The following MAGI2 variants were observed in gnomAD, a reference collection of about 807,000 sequenced individuals.
MAGI2 encodes membrane associated guanylate kinase, WW and PDZ domain containing 2.
Under a neutral mutation model 133.3 loss-of-function variants are expected in MAGI2, and 35 were observed. That is an observed-to-expected ratio of 0.26 (90% CI 0.20 to 0.35). The LOEUF (loss-of-function observed/expected upper bound fraction) is 0.35, where lower values mean the gene tolerates loss of function less well. Among genes scored for constraint, MAGI2 ranks in the 10% least tolerant of loss-of-function variants. The pLI is 1.00. For synonymous variants in MAGI2, 729 were observed against 710.6 expected (o/e 1.03, Z -0.41); for missense variants, 1,636 against 1,863.4 (o/e 0.88, Z 2.25).
At chr7:78,254,855 C>T (rs1321632779) in intron 10 of MAGI2, 2 of 152,196 alleles carry the variant, frequency 1.3e-5, no homozygotes, top group African/African-American at 4.8e-5. Context: ...TTCCTTCTGA[C>T]CCACCCATGC....
chr7:78,026,958 T>G (rs1808982101), intron 21 of MAGI2, among the ~76,000 whole-genome samples: 1 of 152,190 alleles, frequency 6.6e-6, no homozygotes, highest in Admixed American at 6.5e-5. Flanking sequence ...TTGAAGGCCC[T>G]GAAATGTATT....
At chr7:78,256,663 G>T in intron 9 of MAGI2, 82 bp from the exon 10 acceptor site, 1 of 1,140,562 alleles carries the variant, frequency 8.8e-7, no homozygotes. Context: ...TACGAGACTA[G>T]TGAGAGGTGT....
intron 1 of MAGI2, among the ~76,000 whole-genome samples, chr7:79,098,877 C>T (rs889715951): frequency 2.0e-5 from 3 of 152,154 alleles, no homozygotes; most frequent in Admixed American, 6.5e-5. Context: ...CAGTTATGCA[C>T]AATGTTGTGA....
chr7:79,159,487 C>A, intron 1 of MAGI2, among the ~76,000 whole-genome samples: 1 of 139,554 alleles, frequency 7.2e-6, no homozygotes, highest in Admixed American at 7.5e-5. Flanking sequence ...CACTGTGCTT[C>A]AACCTGCATG....
At chr7:78,783,130 G>A (rs1307207744) in intron 2 of MAGI2, among the ~76,000 whole-genome samples, 1 of 150,352 alleles carries the variant, frequency 6.7e-6, no homozygotes, top group African/African-American at 2.5e-5. Flanking sequence ...GTAGCAGAGT[G>A]CCCAAGAAAA....
intron 9 of MAGI2, among the ~76,000 whole-genome samples, chr7:78,293,370 C>G (rs963497394): frequency 6.6e-6 from 1 of 152,264 alleles, no homozygotes; most frequent in Admixed American, 6.5e-5. Context: ...AAATGCAAAT[C>G]AAAACCACAA....
rs1395758181 is a variant in MAGI2, at chr7:79,216,911, T to C, written c.302-209705A>G. Among the ~76,000 whole-genome samples the C allele has an allele frequency of 1.3e-5, 2 of 152,072 alleles. 1 individual carries two copies. The highest frequency in any genetic ancestry group is 4.8e-5 in the African/African-American group (2 of 41,318). On this transcript the variant is annotated intron_variant, in intron 1 of 21. Coordinates refer to ENST00000354212, the MANE Select transcript of MAGI2 (RefSeq NM_012301.4). ...GCAGGAATATAAGAGAGTCTAACATTTACATTTAGTCATTAACTTCTAATT... is the reference window on the plus strand; with the variant it reads ...GCAGGAATATAAGAGAGTCTAACATCTACATTTAGTCATTAACTTCTAATT...
chr7:78,430,295 G>A (rs2151429529), intron 6 of MAGI2, among the ~76,000 whole-genome samples: 1 of 123,862 alleles, frequency 8.1e-6, no homozygotes, highest in Admixed American at 9.6e-5. Flanking sequence ...GATGAGAGAA[G>A]AAATACTTAG....
At position 79,352,250 on chromosome 7, in the gene MAGI2, C is replaced by T. The variant is rs759593879; in HGVS notation, c.301+100770G>A. Among the ~76,000 whole-genome samples, 241 of 152,146 alleles carry T rather than the reference C, an allele frequency of 1.6e-3. 6 individuals carry two copies. The highest frequency in any genetic ancestry group is 3.5e-4 in the Non-Finnish European group (24 of 68,034). The stretch of plus-strand genomic sequence containing the variant: ...AGAATATCAATTATGCGAAGTTAGA[C>T]ATGGATGACTCGGAGAATGCACAAA... On this transcript the variant is annotated intron_variant, in intron 1 of 21. Transcript: ENST00000354212.
At chr7:78,616,370 G>C (rs1252981078) in intron 3 of MAGI2, 2 of 152,094 alleles carry the variant, frequency 1.3e-5, no homozygotes, top group African/African-American at 2.4e-5. Flanking sequence ...CATGAAAAAA[G>C]ACAGAAATTT....
intron 1 of MAGI2, among the ~76,000 whole-genome samples, chr7:79,282,491 T>C (rs957777553): frequency 4.6e-5 from 7 of 152,162 alleles, no homozygotes; most frequent in African/African-American, 1.7e-4. Context: ...GTTAGAGAGT[T>C]AATGAAGCTT....
At chr7:79,201,956 CT>C (rs1172155425) in intron 1 of MAGI2, among the ~76,000 whole-genome samples, 1 of 151,848 alleles carries the variant, frequency 6.6e-6, no homozygotes, top group Non-Finnish European at 1.5e-5. Context: ...GGTTAGTCCT[CT>C]TTTTATTTCA....
chr7:78,326,485 A>AT, intron 9 of MAGI2, among the ~76,000 whole-genome samples: 1 of 152,198 alleles, frequency 6.6e-6, no homozygotes, highest in South Asian at 2.1e-4. Flanking sequence ...TATGGCAGAG[A>AT]CTGGTATTAC....
chr7:78,858,701 T>C (rs191257716), intron 2 of MAGI2, among the ~76,000 whole-genome samples: 23 of 152,350 alleles, frequency 1.5e-4, no homozygotes, highest in Non-Finnish European at 2.5e-4. Flanking sequence ...ATAAGTGTTA[T>C]GTGGTACTAA....
intron 1 of MAGI2, among the ~76,000 whole-genome samples, chr7:79,224,656 A>T (rs1830696088): frequency 6.6e-6 from 1 of 152,178 alleles, no homozygotes; most frequent in East Asian, 1.9e-4. Context: ...CAAACTACTG[A>T]TATATGCAAC....
At chr7:79,372,899 T>C (rs969435540) in intron 1 of MAGI2, among the ~76,000 whole-genome samples, 4 of 152,084 alleles carry the variant, frequency 2.6e-5, no homozygotes, top group Non-Finnish European at 2.9e-5. Flanking sequence ...GAAGCCACTC[T>C]GCTTTGGGGG....
intron 1 of MAGI2, among the ~76,000 whole-genome samples, chr7:79,378,971 T>TA (rs1563168412): frequency 2.4e-3 from 242 of 100,966 alleles, no homozygotes; most frequent in African/African-American, 5.6e-3. Flanking sequence ...TATATATATA[T>TA]TAAACTTTAA....
chr7:79,251,244 A>G (rs901284851), intron 1 of MAGI2, among the ~76,000 whole-genome samples: 6 of 152,150 alleles, frequency 3.9e-5, no homozygotes, highest in African/African-American at 1.4e-4. Context: ...ATGGGATCCC[A>G]TCAAGTAAAA....
At chr7:78,898,968 T>A (rs2151588231) in intron 2 of MAGI2, among the ~76,000 whole-genome samples, 1 of 152,266 alleles carries the variant, frequency 6.6e-6, no homozygotes, top group African/African-American at 2.4e-5. Flanking sequence ...CCTCATTCAA[T>A]GATGTTGGTT....
Sources: gnomAD v4.1 joint callset for allele counts (sites outside exome capture counted in the v4.1 genomes callset) on GRCh38, gnomAD v4.1.1 for gene constraint, MANE v1.5 for transcripts, NCBI Gene and HGNC (gene_info 2026-07-23, HGNC 2026-07-21) for gene names.